Variants in DGKB observed in about 807,000 individuals in gnomAD.
DGKB encodes diacylglycerol kinase beta.
DGKB carries 67 observed loss-of-function variants against 114.3 expected under a neutral mutation model. The observed-to-expected ratio is 0.59, with a 90% CI of 0.48 to 0.72. The LOEUF is 0.72. Among genes scored for constraint, DGKB ranks in the 30% least tolerant of loss-of-function variants. DGKB has a pLI of 0.00. For missense variants in DGKB, 907 were observed against 975.2 expected, an observed-to-expected ratio of 0.93 and a Z score of 0.93; for synonymous variants, 398 against 323.1, an observed-to-expected ratio of 1.23 and a Z score of -2.49.
chr7:14,656,751 TATACACAC>T (rs74521529), intron 13 of DGKB, among the ~76,000 whole-genome samples: 11 of 127,642 alleles, frequency 8.6e-5, no homozygotes, highest in Admixed American at 1.6e-4. Context: ...ATATAGGATA[TATACACAC>T]ACACACACAC....
At chr7:14,824,271 T>G (rs774338658) in intron 2 of DGKB, among the ~76,000 whole-genome samples, 1 of 147,436 alleles carries the variant, frequency 6.8e-6, no homozygotes, top group African/African-American at 2.7e-5. Context: ...GTTCTCCTCA[T>G]TTTTTTTCTC....
chr7:14,283,967 G>A (rs1349387761), intron 23 of DGKB, among the ~76,000 whole-genome samples: 1 of 152,134 alleles, frequency 6.6e-6, no homozygotes, highest in African/African-American at 2.4e-5. Context: ...AGGACTTCAT[G>A]TCTAAAACAC....
intron 1 of DGKB, among the ~76,000 whole-genome samples, chr7:14,945,830 T>A (rs575862496): frequency 6.6e-6 from 1 of 151,860 alleles, no homozygotes; most frequent in South Asian, 2.1e-4. Flanking sequence ...TCCTATTCTT[T>A]GATTACTTAT....
chr7:14,293,267 G>C (rs1202295555), intron 23 of DGKB, among the ~76,000 whole-genome samples: 1 of 152,068 alleles, frequency 6.6e-6, no homozygotes, highest in Non-Finnish European at 1.5e-5. Context: ...ATGTCAAGAA[G>C]AACAGTTTAC....
chr7:14,279,932 A>G (rs1251440936), intron 23 of DGKB, among the ~76,000 whole-genome samples: 1 of 152,170 alleles, frequency 6.6e-6, no homozygotes, highest in Non-Finnish European at 1.5e-5. Context: ...GAAAAACTGG[A>G]AACTCTAAAA....
intron 14 of DGKB, 89 bp downstream of exon 14, chr7:14,630,147 C>G: frequency 1.3e-6 from 1 of 784,762 alleles, no homozygotes; most frequent in Admixed American, 3.7e-5. Context: ...TCGAATGTCA[C>G]TGAGCCAGCA....
intron 23 of DGKB, among the ~76,000 whole-genome samples, chr7:14,197,527 G>A (rs1785199923): frequency 1.3e-5 from 2 of 152,052 alleles, no homozygotes; most frequent in Non-Finnish European, 2.9e-5. Flanking sequence ...AGAACATGCT[G>A]TACGGAAAAC....
intron 6 of DGKB, among the ~76,000 whole-genome samples, chr7:14,702,960 G>T (rs966319788): frequency 1.2e-4 from 19 of 152,272 alleles, no homozygotes; most frequent in African/African-American, 4.3e-4. Flanking sequence ...GAAAACAAAT[G>T]TCTGTCTATT....
intron 21 of DGKB, among the ~76,000 whole-genome samples, chr7:14,461,558 A>G (rs1308505716): frequency 6.6e-6 from 1 of 152,194 alleles, no homozygotes; most frequent in Non-Finnish European, 1.5e-5. Context: ...AACCAGGAAG[A>G]AGTCGAATCC....
Position 14,459,580 on chromosome 7 carries a change from C to T in DGKB, c.1835+18581G>A, listed in dbSNP as rs375834064. 3.3e-5 allele frequency among the ~76,000 whole-genome samples: 5 copies of T among 152,014 alleles called. No homozygotes were observed. The East Asian group carries it at 7.8e-4, about 24-fold the overall frequency. On this transcript the variant is annotated intron_variant, in intron 21 of 25. Coordinates refer to ENST00000402815, the MANE Select transcript of DGKB (RefSeq NM_001350709.2). ...AAAGAATGAAAAGGAATGAACAAAG[C>T]CTCCAAGAAATGCGGGACTATGTAA...
At chr7:14,825,447 G>C (rs796849458) in intron 2 of DGKB, among the ~76,000 whole-genome samples, 1 of 152,122 alleles carries the variant, frequency 6.6e-6, no homozygotes, top group Non-Finnish European at 1.5e-5. Context: ...GGGATGATGG[G>C]AGACAGTGAC....
intron 21 of DGKB, among the ~76,000 whole-genome samples, chr7:14,452,424 T>C (rs1364149908): frequency 6.6e-6 from 1 of 152,046 alleles, no homozygotes; most frequent in Non-Finnish European, 1.5e-5. Context: ...CCTGAGATCC[T>C]AGAATTGCAA....
In DGKB at chr7:14,689,199, A is replaced by ATTTTTTTTATT. The variant is rs1554599100; in HGVS notation, c.712-3838_712-3837insAATAAAAAAAA. Among the ~76,000 whole-genome samples the ATTTTTTTTATT allele has an allele frequency of 1.4e-3, 104 of 76,580 alleles. 4 individuals are homozygous for ATTTTTTTTATT. The highest frequency in any genetic ancestry group is 9.1e-3 in the East Asian group (13 of 1,426). The allele number at this position is 76,580 out of a possible 152,430, so 50.2% of individuals were successfully genotyped here. On this transcript the variant is annotated intron_variant, in intron 9 of 25. Transcript: ENST00000402815. ...TGACAATGTGACAGAAACTCCTCTT[A>ATTTTTTTTATT]TTTTTTTTTTTTTTTTTTTTTTTTT... is the stretch of plus-strand genomic sequence containing the variant.
intron 13 of DGKB, among the ~76,000 whole-genome samples, chr7:14,650,144 A>C: frequency 6.9e-6 from 1 of 144,096 alleles, no homozygotes; most frequent in Non-Finnish European, 1.5e-5. Flanking sequence ...CACCAAGTGG[A>C]CCTAATAGAC....
chr7:14,685,310 G>T lies in DGKB; in HGVS notation c.764C>A (p.Pro255His). 1 of 1,613,866 alleles carries T rather than the reference G, an allele frequency of 6.2e-7. No homozygotes were observed. Among genetic ancestry groups the T allele is most frequent in the Non-Finnish European group, 8.5e-7 (1 of 1,179,806 alleles). ...GTTCAGGCAAAGGTTGCAATAGGCAGGTTTGTTAAAGTGCTTCAGTCGCCA... is the reference window on the plus strand; with the variant it reads ...GTTCAGGCAAAGGTTGCAATAGGCATGTTTGTTAAAGTGCTTCAGTCGCCA... ...HVWRLKHFNK[P>H]AYCNLCLNML... The change falls in exon 10 of 26, where the codon CCT (proline) becomes CAT (histidine). Residue 255 changes from proline (P) to histidine (H), a missense_variant. This residue lies in a region of DGKB where 814 missense variants were observed against 856.6 expected (regional missense o/e 0.95). Coordinates refer to ENST00000402815, the MANE Select transcript of DGKB (RefSeq NM_001350709.2).
chr7:14,436,129 TGA>T (rs1829223401), intron 21 of DGKB, among the ~76,000 whole-genome samples: 1 of 152,134 alleles, frequency 6.6e-6, no homozygotes, highest in Non-Finnish European at 1.5e-5. Flanking sequence ...TAAAAAAATT[TGA>T]GAGATCTGCT....
intron 1 of DGKB, among the ~76,000 whole-genome samples, chr7:14,961,553 C>T (rs1786844403): frequency 6.6e-6 from 1 of 152,102 alleles, no homozygotes; most frequent in Non-Finnish European, 1.5e-5. Flanking sequence ...TGGTTGGGAG[C>T]AACAGCTTCC....
At chr7:14,955,933 T>C (rs951572957) in intron 1 of DGKB, among the ~76,000 whole-genome samples, 6 of 152,022 alleles carry the variant, frequency 3.9e-5, no homozygotes, top group African/African-American at 1.4e-4. Flanking sequence ...TAAGAACTAC[T>C]AGAATGACAT....
At chr7:14,206,719 G>C (rs1786885696) in intron 23 of DGKB, among the ~76,000 whole-genome samples, 1 of 151,896 alleles carries the variant, frequency 6.6e-6, no homozygotes, top group African/African-American at 2.4e-5. Context: ...CGTATATCCT[G>C]GTTGCCTCAT....
Sources: allele counts gnomAD v4.1 joint callset (sites outside exome capture counted in the v4.1 genomes callset), GRCh38; gene constraint gnomAD v4.1.1; regional missense constraint gnomAD v4.1.1; transcripts MANE v1.5; gene names NCBI Gene and HGNC (gene_info 2026-07-23, HGNC 2026-07-21).